Variants in PXDNL observed in about 807,000 individuals in gnomAD.
The protein encoded by PXDNL is peroxidasin like.
In PXDNL, 145 loss-of-function variants were observed where a neutral mutation model predicts 150.8. The ratio of observed to expected loss-of-function variants is 0.96; its 90% CI spans 0.84 to 1.10. PXDNL has a LOEUF of 1.10. PXDNL is among the 50% of genes least tolerant of loss of function. The probability of loss-of-function intolerance (pLI) is 0.00; values close to 1 mark genes in which losing one functional copy is unlikely to be tolerated. For synonymous variants in PXDNL, 757 were observed against 725.7 expected (o/e 1.04, Z -0.69); for missense variants, 2,087 against 1,873.9 (o/e 1.11, Z -2.10).
chr8:51,484,089 C>T (rs1364982183), intron 5 of PXDNL, among the ~76,000 whole-genome samples: 1 of 152,046 alleles, frequency 6.6e-6, no homozygotes, highest in Non-Finnish European at 1.5e-5. Flanking sequence ...ATGTTGTACA[C>T]CTTGAATGCA....
intron 4 of PXDNL, among the ~76,000 whole-genome samples, chr8:51,518,004 C>T (rs146397204): frequency 4.9e-4 from 75 of 152,292 alleles, no homozygotes; most frequent in African/African-American, 1.5e-3. Flanking sequence ...AATTTATCTT[C>T]ATATAATAGC....
intron 5 of PXDNL, among the ~76,000 whole-genome samples, chr8:51,490,101 A>C (rs964280947): frequency 8.5e-5 from 13 of 152,230 alleles, no homozygotes; most frequent in Non-Finnish European, 1.5e-5. Context: ...AAGACACATA[A>C]TGCATTTAGA....
chr8:51,666,635 C>T (rs1336491877), intron 1 of PXDNL, among the ~76,000 whole-genome samples: 1 of 152,122 alleles, frequency 6.6e-6, no homozygotes, highest in African/African-American at 2.4e-5. Flanking sequence ...TCTCTTCTCA[C>T]TATTTTTCTA....
chr8:51,325,742 A>G (rs1039081839), intron 21 of PXDNL, among the ~76,000 whole-genome samples: 1 of 152,144 alleles, frequency 6.6e-6, no homozygotes, highest in African/African-American at 2.4e-5. Context: ...ATCATCTGGC[A>G]TGATGACCCC....
At chr8:51,357,220 T>C (rs1444925405) in intron 19 of PXDNL, among the ~76,000 whole-genome samples, 2 of 152,230 alleles carry the variant, frequency 1.3e-5, no homozygotes, top group Non-Finnish European at 2.9e-5. Context: ...GCTGTATTAA[T>C]GGACTAAGTT....
rs1191415800 is a variant in PXDNL, at chr8:51,402,918, C to CAT, written c.3557+5148_3557+5149insAT. 4.6e-5 allele frequency among the ~76,000 whole-genome samples: 7 copies of CAT among 151,290 alleles called. No individual in the cohort carries two copies. The East Asian group carries it at 1.4e-3, about 30-fold the overall frequency. On this transcript the variant is annotated intron_variant, in intron 17 of 22. Coordinates refer to ENST00000356297, the MANE Select transcript of PXDNL (RefSeq NM_144651.5). ...TCTACTAAAAATACACACACACACACACACACACACACACACACAAAATTA... is the reference window on the plus strand; with the variant it reads ...TCTACTAAAAATACACACACACACACATACACACACACACACACACAAAATTA...
intron 1 of PXDNL, among the ~76,000 whole-genome samples, chr8:51,717,977 G>A (rs149178184): frequency 6.6e-6 from 1 of 152,126 alleles, no homozygotes; most frequent in Non-Finnish European, 1.5e-5. Flanking sequence ...CTTTTAAACT[G>A]TTGTCCTTTG....
intron 1 of PXDNL, among the ~76,000 whole-genome samples, chr8:51,767,848 T>C (rs961458062): frequency 6.6e-6 from 1 of 152,240 alleles, no homozygotes; most frequent in Non-Finnish European, 1.5e-5. Flanking sequence ...CTGCTGATGT[T>C]TTCAACCAAA....
chr8:51,783,625 C>T (rs1475636255), intron 1 of PXDNL, among the ~76,000 whole-genome samples: 1 of 152,106 alleles, frequency 6.6e-6, no homozygotes, highest in Admixed American at 6.5e-5. Context: ...TGCTCTACTA[C>T]CTTTGATATG....
rs188221115 is a variant in PXDNL at position 51,440,664 on chromosome 8, A to T, written c.1525+6340T>A. ...TGCTTACAAAATATATTTTAAAATT[A>T]AAAAATAGCTAAAGTATCTATCTAG... On this transcript the variant is annotated intron_variant, in intron 12 of 22. Coordinates refer to ENST00000356297, the MANE Select transcript of PXDNL (RefSeq NM_144651.5). Among the ~76,000 whole-genome samples the T allele has an allele frequency of 4.2e-4, 64 of 152,334 alleles. 1 individual carries two copies. The East Asian group carries it at 9.3e-3, about 22-fold the overall frequency.
intron 1 of PXDNL, among the ~76,000 whole-genome samples, chr8:51,687,279 A>C (rs943063663): frequency 1.3e-5 from 2 of 152,222 alleles, no homozygotes; most frequent in Admixed American, 6.5e-5. Context: ...ATTTGTCATT[A>C]TATTTTAGGA....
intron 2 of PXDNL, among the ~76,000 whole-genome samples, chr8:51,613,178 C>T (rs1814053606): frequency 6.6e-6 from 1 of 151,710 alleles, no homozygotes; most frequent in South Asian, 2.1e-4. Context: ...ATCTGGATTA[C>T]CAGAGGATGC....
At chr8:51,707,164 G>T (rs1165956129) in intron 1 of PXDNL, among the ~76,000 whole-genome samples, 1 of 152,080 alleles carries the variant, frequency 6.6e-6, no homozygotes, top group African/African-American at 2.4e-5. Flanking sequence ...TATTTTCAGT[G>T]GTTTGTTTTG....
chr8:51,501,389 T>A (rs982481460), intron 4 of PXDNL, among the ~76,000 whole-genome samples: 1 of 151,584 alleles, frequency 6.6e-6, no homozygotes, highest in African/African-American at 2.4e-5. Context: ...CACACCTACA[T>A]GAACACACTC....
chr8:51,428,760 T>A (rs1809175861), intron 12 of PXDNL, among the ~76,000 whole-genome samples: 1 of 152,044 alleles, frequency 6.6e-6, no homozygotes, highest in Non-Finnish European at 1.5e-5. Context: ...TTCAAAAAAA[T>A]AGGAGAAAAT....
At chr8:51,534,168 G>C (rs1243647959) in intron 4 of PXDNL, among the ~76,000 whole-genome samples, 4 of 139,440 alleles carry the variant, frequency 2.9e-5, no homozygotes, top group African/African-American at 9.3e-5. Context: ...CGCCTCTGCT[G>C]GGCCACAACC....
chr8:51,662,614 A>G (rs1282909520), intron 1 of PXDNL, among the ~76,000 whole-genome samples: 1 of 152,254 alleles, frequency 6.6e-6, no homozygotes, highest in Non-Finnish European at 1.5e-5. Flanking sequence ...ACCTTGTATT[A>G]GTTATAAGCA....
At chr8:51,536,075 A>G (rs1414904328) in intron 4 of PXDNL, among the ~76,000 whole-genome samples, 1 of 152,164 alleles carries the variant, frequency 6.6e-6, no homozygotes, top group Non-Finnish European at 1.5e-5. Context: ...AGCAACAGGC[A>G]CCTGACCATC....
At chr8:51,714,020 A>C (rs72642956) in intron 1 of PXDNL, among the ~76,000 whole-genome samples, 4,085 of 152,176 alleles carry the variant, frequency 0.027, 79 homozygotes, top group Non-Finnish European at 0.04. Flanking sequence ...ACAAAATAAC[A>C]AGAGCCGGTA....
Sources: allele counts gnomAD v4.1 joint callset (sites outside exome capture counted in the v4.1 genomes callset), GRCh38; gene constraint gnomAD v4.1.1; transcripts MANE v1.5; gene names NCBI Gene and HGNC (gene_info 2026-07-23, HGNC 2026-07-21).